Variants in MYOZ1 observed in about 807,000 individuals in gnomAD.
MYOZ1 encodes myozenin 1.
MYOZ1 carries 20 observed loss-of-function variants against 28.7 expected under a neutral mutation model. The ratio of observed to expected loss-of-function variants is 0.70; its 90% CI spans 0.49 to 1.01. The LOEUF (loss-of-function observed/expected upper bound fraction) is 1.01. MYOZ1 is among the 50% of genes least tolerant of loss of function. MYOZ1 has a pLI of 0.00. For missense variants in MYOZ1, 371 were observed against 372.4 expected (o/e 1.00, Z 0.03); for synonymous variants, 144 against 145.8 (o/e 0.99, Z 0.09).
At chr10:73,637,341 T>A (rs528334728) in intron 3 of MYOZ1, among the ~76,000 whole-genome samples, 1 of 152,308 alleles carries the variant, frequency 6.6e-6, no homozygotes, top group Non-Finnish European at 1.5e-5. Context: ...AAAATTTTTT[T>A]AAATTTTTAT....
At chr10:73,641,209 CG>C (rs1368498632) in intron 1 of MYOZ1, among the ~76,000 whole-genome samples, 2 of 152,102 alleles carry the variant, frequency 1.3e-5, no homozygotes, top group Non-Finnish European at 2.9e-5. Flanking sequence ...GTGCCTCCCC[CG>C]ACATCTCCAT....
At chr10:73,639,754 G>A (rs954939660) in intron 2 of MYOZ1, among the ~76,000 whole-genome samples, 191 bp downstream of exon 2, 2 of 152,118 alleles carry the variant, frequency 1.3e-5, no homozygotes, top group African/African-American at 4.8e-5. Flanking sequence ...AAGTGAAAAG[G>A]GTAGAAGGTG....
intron 2 of MYOZ1, 30 bp from the exon 3 acceptor site, chr10:73,637,952 G>A: frequency 6.3e-7 from 1 of 1,592,484 alleles, no homozygotes; most frequent in Middle Eastern, 1.8e-4. Context: ...GAAGAATCAA[G>A]GGAAAGAGGA....
At chr10:73,638,057 C>G in intron 2 of MYOZ1, 135 bp from the exon 3 acceptor site, 1 of 788,954 alleles carries the variant, frequency 1.3e-6, no homozygotes, top group Admixed American at 2.6e-5. Context: ...CAAATGCTGT[C>G]TAGTTTGTGA....
rs1229759470 is a variant in MYOZ1, at chr10:73,634,011, G to A, written c.557C>T (p.Ser186Phe). The part of the protein sequence containing the change: ...KHITVFKTYI[S>F]PWERAMGVDP... ...AACCCCCATGGCTCGCTCCCATGGGGAAATATAGGTCTTGAACACAGTGAT... is the reference window on the plus strand; with the variant it reads ...AACCCCCATGGCTCGCTCCCATGGGAAAATATAGGTCTTGAACACAGTGAT... The change falls in exon 5 of 6, where the codon TCC (serine) becomes TTC (phenylalanine). Residue 186 changes from serine (S) to phenylalanine (F), a missense_variant. Transcript: ENST00000359322. The A allele has an allele frequency of 1.9e-6, 3 of 1,614,014 alleles. No individual in the cohort carries two copies. The highest frequency in any genetic ancestry group is 2.2e-5 in the South Asian group (2 of 91,044).
chr10:73,640,593 T>G (rs2081697948), intron 1 of MYOZ1, among the ~76,000 whole-genome samples: 1 of 152,162 alleles, frequency 6.6e-6, no homozygotes, highest in Non-Finnish European at 1.5e-5. Context: ...ATAGAGTCAG[T>G]GCAGGAATTA....
Position 73,634,012 on chromosome 10 carries a change from A to C in MYOZ1, c.556T>G (p.Ser186Ala), listed in dbSNP as rs1304707602. 2 of 1,613,990 alleles carry C rather than the reference A, an allele frequency of 1.2e-6. No homozygotes were observed. ...KHITVFKTYISPWERAMGVDP... is the reference protein window; with the variant it reads ...KHITVFKTYIAPWERAMGVDP... ...ACCCCCATGGCTCGCTCCCATGGGG[A>C]AATATAGGTCTTGAACACAGTGATA... The change falls in exon 5 of 6, where the codon TCC (serine) becomes GCC (alanine). Residue 186 changes from serine to alanine, a missense_variant. Physicochemically the swap from Ser to Ala is moderately conservative, Grantham distance 99. Coordinates refer to ENST00000359322, the MANE Select transcript of MYOZ1 (RefSeq NM_021245.4).
At chr10:73,633,056 G>C (rs1036884143) in intron 5 of MYOZ1, among the ~76,000 whole-genome samples, 4 of 152,120 alleles carry the variant, frequency 2.6e-5, no homozygotes, top group African/African-American at 9.7e-5. Flanking sequence ...CAGCACTTTG[G>C]GAGCCCGAGG....
intron 4 of MYOZ1, 64 bp from the exon 5 acceptor site, chr10:73,634,129 C>T (rs569201758): frequency 1.3e-6 from 2 of 1,581,682 alleles, no homozygotes; most frequent in Admixed American, 1.7e-5. Flanking sequence ...GAAAGGTAAT[C>T]CCACGCCCCT....
chr10:73,638,418 C>T (rs546447500), intron 2 of MYOZ1, among the ~76,000 whole-genome samples: 7 of 151,218 alleles, frequency 4.6e-5, no homozygotes, highest in East Asian at 3.9e-4. Context: ...CTGCAGCCTC[C>T]GCCTCCCAGG....
chr10:73,638,638 T>TTTTA (rs71482554), intron 2 of MYOZ1, among the ~76,000 whole-genome samples: 12,082 of 124,068 alleles, frequency 0.097, 608 homozygotes, highest in Middle Eastern at 0.15. Context: ...CCAGCCTACA[T>TTTTA]TTTATTTATT....
chr10:73,631,809 CTCCTT>C lies in MYOZ1; in HGVS notation c.*116_*120del. On this transcript the variant is annotated 3_prime_UTR_variant, in exon 6 of 6. Coordinates refer to ENST00000359322, the MANE Select transcript of MYOZ1 (RefSeq NM_021245.4). ...GAGTAAAGGATGGAAAGGTAGATCT[CTCCTT>C]TTTCCCTCCATTCCCATAAGGATAC... The C allele has an allele frequency of 1.2e-6, 1 of 857,152 alleles. No homozygotes were observed. Among genetic ancestry groups the C allele is most frequent in the East Asian group, 2.7e-5 (1 of 37,654 alleles). The allele number at this position is 857,152 out of a possible 1,614,324, so 53.1% of individuals were successfully genotyped here. A position where few individuals can be genotyped will look rare whatever the true frequency, so the allele number is the denominator to read the frequency against.
intron 3 of MYOZ1, 29 bp from the exon 4 acceptor site, chr10:73,634,762 T>G: frequency 6.2e-7 from 1 of 1,603,952 alleles, no homozygotes; most frequent in Non-Finnish European, 8.5e-7. Flanking sequence ...GAGGGGAAGG[T>G]TAGCAATGGG....
chr10:73,635,298 T>A (rs1444879266), intron 3 of MYOZ1, among the ~76,000 whole-genome samples: 1 of 151,848 alleles, frequency 6.6e-6, no homozygotes, highest in Non-Finnish European at 1.5e-5. Context: ...AAGGGCAGCG[T>A]GTTCTCCACA....
At chr10:73,635,152 G>A (rs949998578) in intron 3 of MYOZ1, among the ~76,000 whole-genome samples, 1 of 151,678 alleles carries the variant, frequency 6.6e-6, no homozygotes, top group Admixed American at 6.6e-5. Flanking sequence ...CTCAAACTCC[G>A]ACCTCAGATG....
In MYOZ1 at chr10:73,631,955, A is replaced by C. The variant is rs766541682; in HGVS notation, c.875T>G (p.Leu292Trp). The change falls in exon 6 of 6, where the codon TTG becomes TGG. Residue 292 changes from leucine to tryptophan, a missense_variant. Physicochemically the swap from Leu to Trp is moderately conservative, Grantham distance 61. Coordinates refer to ENST00000359322, the MANE Select transcript of MYOZ1 (RefSeq NM_021245.4). ...VDYNVDIGIP[L>W]DGETEEL is the part of the protein sequence containing the mutation. The stretch of plus-strand genomic sequence containing the variant: ...TCACAGCTCCTCTGTTTCTCCATCC[A>C]AGGGGATGCCAATATCCACGTTGTA... The C allele has an allele frequency of 1.9e-6, 3 of 1,613,916 alleles. No homozygotes were observed. The Admixed American group carries it at 5.0e-5, about 27-fold the overall frequency.
At chr10:73,633,721 TCA>T (rs1388234078) in intron 5 of MYOZ1, among the ~76,000 whole-genome samples, 177 bp downstream of exon 5, 3 of 152,172 alleles carry the variant, frequency 2.0e-5, no homozygotes, top group African/African-American at 7.2e-5. Flanking sequence ...TTTTCCTTCA[TCA>T]CACTGCTATG....
rs2081661862 is a variant in MYOZ1, at chr10:73,635,364, A to T, written c.253-631T>A. Reference sequence around the variant, plus strand: ...AAGACCAACACGCCTGCCCAGCTTTAAAAAAAAAAAATGAAAAAAAATTCT... The same window carrying T: ...AAGACCAACACGCCTGCCCAGCTTTTAAAAAAAAAAATGAAAAAAAATTCT... On this transcript the variant is annotated intron_variant, in intron 3 of 5. Transcript: ENST00000359322. Among the ~76,000 whole-genome samples the T allele has an allele frequency of 2.8e-5, 4 of 143,956 alleles. No homozygotes were observed. In the South Asian group the frequency reaches 6.5e-4, roughly 23 times the overall value. 94.4% of individuals were successfully genotyped at this position (143,956 alleles called of 152,430 possible). A position where few individuals can be genotyped will look rare whatever the true frequency, so the allele number is the denominator to read the frequency against.
At chr10:73,639,904 C>T (rs1381286063) in intron 2 of MYOZ1, 41 bp downstream of exon 2, 2 of 1,590,448 alleles carry the variant, frequency 1.3e-6, no homozygotes, top group Non-Finnish European at 1.7e-6. Flanking sequence ...TAGGGATGCT[C>T]TTAAGAAGTC....
Sources: gnomAD v4.1 joint callset for allele counts (sites outside exome capture counted in the v4.1 genomes callset) on GRCh38, gnomAD v4.1.1 for gene constraint, MANE v1.5 for transcripts, NCBI Gene and HGNC (gene_info 2026-07-23, HGNC 2026-07-21) for gene names.